VGLL3: variants seen among roughly 807,000 people sequenced by gnomAD.
The protein encoded by VGLL3 is transcription cofactor vestigial-like protein 3.
In VGLL3, 18 loss-of-function variants were observed where a neutral mutation model predicts 29.2. That is an observed-to-expected ratio of 0.62 (90% CI 0.43 to 0.91). VGLL3 has a LOEUF of 0.91. Ranked by LOEUF, VGLL3 falls within the 40% of genes least tolerant of loss-of-function variation. VGLL3 has a pLI of 0.00. For synonymous variants in VGLL3, 180 were observed against 151.8 expected, an observed-to-expected ratio of 1.19 and a Z score of -1.36; for missense variants, 440 against 413.2, an observed-to-expected ratio of 1.06 and a Z score of -0.56.
chr3:86,954,531 G>T (rs191367217), intron 3 of VGLL3, among the ~76,000 whole-genome samples: 1 of 152,290 alleles, frequency 6.6e-6, no homozygotes, highest in Admixed American at 6.5e-5. Context: ...AGTACTTAAA[G>T]CATCAGGATA....
In VGLL3 at chr3:86,979,922, C is replaced by T. The variant is rs927552263; in HGVS notation, c.127-1120G>A. On this transcript the variant is annotated intron_variant, in intron 1 of 3. Transcript: ENST00000398399. ...TTTTGTATTGTTTTTCTGTGTAATACGTTTATAGTTAATTGTCATTTTCTT... is the reference window on the plus strand; with the variant it reads ...TTTTGTATTGTTTTTCTGTGTAATATGTTTATAGTTAATTGTCATTTTCTT... 5.9e-5 allele frequency among the ~76,000 whole-genome samples: 9 copies of T among 152,004 alleles called. No individual in the cohort carries two copies. In the South Asian group the frequency reaches 1.2e-3, roughly 21 times the overall value.
intron 2 of VGLL3, among the ~76,000 whole-genome samples, chr3:86,970,219 C>T (rs546165310): frequency 3.7e-4 from 56 of 152,228 alleles, no homozygotes; most frequent in African/African-American, 1.3e-3. Context: ...CATTTATACA[C>T]GACCTACTAT....
At chr3:86,980,102 T>C (rs1248247797) in intron 1 of VGLL3, among the ~76,000 whole-genome samples, 1 of 151,770 alleles carries the variant, frequency 6.6e-6, no homozygotes, top group East Asian at 1.9e-4. Context: ...TCTTTATGTC[T>C]GCAAAACCTG....
At position 86,939,652 on chromosome 3, in the gene VGLL3, A is replaced by T. The variant is rs1471225842; in HGVS notation, c.*7372T>A. On this transcript the variant is annotated 3_prime_UTR_variant, in exon 4 of 4. Coordinates refer to ENST00000398399, the MANE Select transcript of VGLL3 (RefSeq NM_016206.4). ...AAAACAAAACAAAACAAAACAAAAAAACAAAACAGAACAAAAACCTTGAGA... is the reference window on the plus strand; with the variant it reads ...AAAACAAAACAAAACAAAACAAAAATACAAAACAGAACAAAAACCTTGAGA... The T allele has an allele frequency of 6.5e-6, 1 of 152,850 alleles. No homozygotes were observed. The highest frequency in any genetic ancestry group is 1.5e-5 in the Non-Finnish European group (1 of 68,600). The allele number at this position is 152,850 out of a possible 1,614,324, so 9.5% of individuals were successfully genotyped here. A position where few individuals can be genotyped will look rare whatever the true frequency, so the allele number is the denominator to read the frequency against.
intron 2 of VGLL3, among the ~76,000 whole-genome samples, chr3:86,976,013 C>G (rs950494396): frequency 2.6e-5 from 4 of 152,068 alleles, no homozygotes; most frequent in African/African-American, 7.2e-5. Flanking sequence ...ACTCAGGAGG[C>G]TGAGGCAGGA....
chr3:86,953,597 T>G (rs1215315791), intron 3 of VGLL3, among the ~76,000 whole-genome samples: 2 of 152,208 alleles, frequency 1.3e-5, no homozygotes, highest in Non-Finnish European at 2.9e-5. Flanking sequence ...ATTTATATAT[T>G]TTTCCTATTT....
At chr3:86,959,707 G>C (rs1443460265) in intron 3 of VGLL3, among the ~76,000 whole-genome samples, 1 of 152,088 alleles carries the variant, frequency 6.6e-6, no homozygotes, top group African/African-American at 2.4e-5. Flanking sequence ...GGGTATTGTA[G>C]ATGTTACTGG....
chr3:86,939,339 A>G lies in VGLL3; in HGVS notation c.*7685T>C, dbSNP rs1199736421. Reference sequence around the variant, plus strand: ...AGGGCCTTTAAAGATGTAATTAAGAACCTTGAGCATGGCGCAATGGCTTAT... The same window carrying G: ...AGGGCCTTTAAAGATGTAATTAAGAGCCTTGAGCATGGCGCAATGGCTTAT... On this transcript the variant is annotated 3_prime_UTR_variant, in exon 4 of 4. Transcript: ENST00000398399. The G allele has an allele frequency of 6.6e-6, 1 of 152,194 alleles. No homozygotes were observed. The highest frequency in any genetic ancestry group is 1.5e-5 in the Non-Finnish European group (1 of 68,048). The allele number at this position is 152,194 out of a possible 1,614,324, so 9.4% of individuals were successfully genotyped here.
At chr3:86,972,732 G>C (rs1705129801) in intron 2 of VGLL3, among the ~76,000 whole-genome samples, 1 of 152,166 alleles carries the variant, frequency 6.6e-6, no homozygotes, top group South Asian at 2.1e-4. Flanking sequence ...AACACTATAT[G>C]GTGAGTTTGG....
At chr3:86,986,628 C>T (rs1705447938) in intron 1 of VGLL3, among the ~76,000 whole-genome samples, 1 of 152,094 alleles carries the variant, frequency 6.6e-6, no homozygotes, top group East Asian at 1.9e-4. Context: ...AAAATAGATC[C>T]TCTGCCTCAA....
rs1704445237 is a variant in VGLL3 at position 86,943,687 on chromosome 3, TAA to T, written c.*3335_*3336del. The T allele has an allele frequency of 1.3e-5, 2 of 152,248 alleles. No individual in the cohort carries two copies. The highest frequency in any genetic ancestry group is 4.8e-5 in the African/African-American group (2 of 41,546). The allele number at this position is 152,248 out of a possible 1,614,324, so 9.4% of individuals were successfully genotyped here. ...GAGGGGAAAGTTAAGAGAGGGTGCTTAACTTTCTTAAGAAGACACATTGATTT... is the reference window on the plus strand; with the variant it reads ...GAGGGGAAAGTTAAGAGAGGGTGCTTCTTTCTTAAGAAGACACATTGATTT... On this transcript the variant is annotated 3_prime_UTR_variant, in exon 4 of 4. Coordinates refer to ENST00000398399, the MANE Select transcript of VGLL3 (RefSeq NM_016206.4).
At chr3:86,952,095 C>T (rs543582757) in intron 3 of VGLL3, among the ~76,000 whole-genome samples, 15 of 152,004 alleles carry the variant, frequency 9.9e-5, no homozygotes, top group African/African-American at 3.1e-4. Flanking sequence ...TTAACTTGGA[C>T]GTGAATAACT....
intron 3 of VGLL3, among the ~76,000 whole-genome samples, chr3:86,953,649 G>C (rs924531394): frequency 2.6e-5 from 4 of 152,108 alleles, no homozygotes; most frequent in African/African-American, 9.6e-5. Context: ...TTGTTTCAAT[G>C]TTAGTTTCTT....
At chr3:86,983,821 A>G (rs1255312480) in intron 1 of VGLL3, among the ~76,000 whole-genome samples, 1 of 152,200 alleles carries the variant, frequency 6.6e-6, no homozygotes, top group Non-Finnish European at 1.5e-5. Context: ...ATTTCACATA[A>G]CTGTCCTCTC....
At chr3:86,975,913 ACCAG>A (rs1000426139) in intron 2 of VGLL3, among the ~76,000 whole-genome samples, 7 of 152,108 alleles carry the variant, frequency 4.6e-5, no homozygotes, top group African/African-American at 1.7e-4. Context: ...GGAGTTCAAG[ACCAG>A]CCTGGCCAAC....
At chr3:86,960,032 C>A (rs968630504) in intron 3 of VGLL3, among the ~76,000 whole-genome samples, 1 of 151,942 alleles carries the variant, frequency 6.6e-6, no homozygotes, top group African/African-American at 2.4e-5. Flanking sequence ...TTTTGTATTG[C>A]CTGTACCTAA....
intron 3 of VGLL3, among the ~76,000 whole-genome samples, chr3:86,966,771 GTGTATATATA>G (rs1200840335): frequency 0.054 from 3,769 of 69,480 alleles, 251 homozygotes; most frequent in South Asian, 0.099. Flanking sequence ...TAGTGTGTGT[GTGTATATATA>G]TATATATATA....
At chr3:86,988,640 CAAAAAAAAAAAAAAAAAAA>C (rs869098443) in intron 1 of VGLL3, among the ~76,000 whole-genome samples, 141 of 13,668 alleles carry the variant, frequency 0.01, no homozygotes, top group Middle Eastern at 0.062. Context: ...TTTACTTGAC[CAAAAAAAAAAAAAAAAAAA>C]AAAAAAAAAA....
chr3:86,969,378 A>G (rs1244959723), intron 2 of VGLL3, among the ~76,000 whole-genome samples: 2 of 152,172 alleles, frequency 1.3e-5, no homozygotes, highest in Admixed American at 6.5e-5. Flanking sequence ...ATGCCGTCAC[A>G]GTCTGTGCTA....
Sources: gnomAD v4.1 joint callset for allele counts (sites outside exome capture counted in the v4.1 genomes callset) on GRCh38, gnomAD v4.1.1 for gene constraint, MANE v1.5 for transcripts, NCBI Gene and HGNC (gene_info 2026-07-23, HGNC 2026-07-21) for gene names.